Variants in DHRS7B observed in about 807,000 individuals in gnomAD.
DHRS7B encodes peroxisomal reductase activating PPAR-gamma.
DHRS7B carries 24 observed loss-of-function variants against 26.4 expected under a neutral mutation model. That is an observed-to-expected ratio of 0.91 (90% CI 0.66 to 1.28). The LOEUF (loss-of-function observed/expected upper bound fraction) is 1.28, where lower values mean the gene tolerates loss of function less well. Among genes scored for constraint, DHRS7B ranks in the 50% most tolerant of loss-of-function variants. The probability of loss-of-function intolerance (pLI) is 0.00; values close to 1 mark genes in which losing one functional copy is unlikely to be tolerated. For synonymous variants in DHRS7B, 142 were observed against 166.4 expected (o/e 0.85, Z 1.13); for missense variants, 368 against 419.4 (o/e 0.88, Z 1.07).
intron 1 of DHRS7B, among the ~76,000 whole-genome samples, chr17:21,156,619 A>G (rs1973886435): frequency 6.6e-6 from 1 of 151,186 alleles, no homozygotes; most frequent in African/African-American, 2.4e-5. Context: ...AATAATTATA[A>G]TAAAAAAAAT....
At chr17:21,135,149 C>T (rs113857117) in intron 1 of DHRS7B, among the ~76,000 whole-genome samples, 3 of 152,112 alleles carry the variant, frequency 2.0e-5, no homozygotes, top group Non-Finnish European at 4.4e-5. Context: ...CTCTGTGACA[C>T]ACAATAATTT....
chr17:21,164,893 G>A (rs892596840), intron 1 of DHRS7B, among the ~76,000 whole-genome samples: 6 of 152,128 alleles, frequency 3.9e-5, no homozygotes, highest in African/African-American at 1.4e-4. Context: ...GAAGGAATAC[G>A]GTTGGTCTTT....
At chr17:21,140,515 CA>C (rs1973477030) in intron 1 of DHRS7B, among the ~76,000 whole-genome samples, 1 of 149,870 alleles carries the variant, frequency 6.7e-6, no homozygotes, top group African/African-American at 2.5e-5. Context: ...CACACACACA[CA>C]CACACACACA....
intron 3 of DHRS7B, among the ~76,000 whole-genome samples, chr17:21,183,302 T>C (rs1974554372): frequency 6.6e-6 from 1 of 152,204 alleles, no homozygotes; most frequent in African/African-American, 2.4e-5. Flanking sequence ...CTTCTGTTTT[T>C]TCCTTGTCAT....
intron 1 of DHRS7B, among the ~76,000 whole-genome samples, chr17:21,161,848 T>G (rs1363494037): frequency 6.6e-6 from 1 of 152,196 alleles, no homozygotes; most frequent in African/African-American, 2.4e-5. Context: ...CATGACACTT[T>G]GCTTCCCAGT....
At chr17:21,138,066 T>TAAAA (rs1555536184) in intron 1 of DHRS7B, among the ~76,000 whole-genome samples, 37 of 35,238 alleles carry the variant, frequency 1.0e-3, no homozygotes, top group East Asian at 5.0e-3. Context: ...CGGCCTCTTT[T>TAAAA]AAAAAAAAAA....
chr17:21,148,378 C>T (rs536957464), intron 1 of DHRS7B, among the ~76,000 whole-genome samples: 1 of 152,182 alleles, frequency 6.6e-6, no homozygotes, highest in East Asian at 1.9e-4. Context: ...ATTTGCTAAA[C>T]TGAAAAATTC....
At chr17:21,140,444 A>T (rs1178182623) in intron 1 of DHRS7B, among the ~76,000 whole-genome samples, 3 of 147,846 alleles carry the variant, frequency 2.0e-5, no homozygotes, top group Non-Finnish European at 4.5e-5. Context: ...GGAGAGAAAA[A>T]GTTTGGGTTA....
chr17:21,138,990 C>G (rs1256490296), intron 1 of DHRS7B, among the ~76,000 whole-genome samples: 1 of 152,148 alleles, frequency 6.6e-6, no homozygotes, highest in Admixed American at 6.5e-5. Context: ...TATGAAACCA[C>G]CATTGCAAAA....
At chr17:21,165,141 C>A (rs1379266750) in intron 1 of DHRS7B, among the ~76,000 whole-genome samples, 2 of 152,114 alleles carry the variant, frequency 1.3e-5, no homozygotes, top group Admixed American at 6.5e-5. Flanking sequence ...ATGAATCTGC[C>A]TGTGTTGCAC....
chr17:21,183,007 A>C (rs1330916285), intron 3 of DHRS7B, among the ~76,000 whole-genome samples: 1 of 152,208 alleles, frequency 6.6e-6, no homozygotes, highest in Non-Finnish European at 1.5e-5. Context: ...CAGTGAAGCC[A>C]TCCGGTCCAG....
intron 1 of DHRS7B, among the ~76,000 whole-genome samples, chr17:21,132,344 A>ATAT (rs1555535727): frequency 3.7e-5 from 5 of 134,408 alleles, no homozygotes; most frequent in African/African-American, 1.2e-4. Context: ...CTTAAAAAAA[A>ATAT]AAAAATATAT....
chr17:21,181,789 G>A (rs375244124), intron 3 of DHRS7B, among the ~76,000 whole-genome samples: 5 of 152,288 alleles, frequency 3.3e-5, no homozygotes, highest in African/African-American at 1.2e-4. Context: ...ATTTTTGGAT[G>A]TTGCTCTTGT....
At position 21,144,247 on chromosome 17, in the gene DHRS7B, T is replaced by C. The variant is rs570593679; in HGVS notation, c.20+17256T>C. Reference sequence around the variant, plus strand: ...GGAACTGTTACCTCTTTACGTCTTATCTTATAAGTGCCTAGAGATGCAGGT... The same window carrying C: ...GGAACTGTTACCTCTTTACGTCTTACCTTATAAGTGCCTAGAGATGCAGGT... On this transcript the variant is annotated intron_variant, in intron 1 of 6. Coordinates refer to ENST00000395511, the MANE Select transcript of DHRS7B (RefSeq NM_015510.5). Among the ~76,000 whole-genome samples, 60 of 152,304 alleles carry C rather than the reference T, an allele frequency of 3.9e-4. 2 individuals carry two copies. In the South Asian group the frequency reaches 0.012, roughly 29 times the overall value.
chr17:21,180,073 CTT>C (rs59348588), intron 3 of DHRS7B, among the ~76,000 whole-genome samples: 113 of 121,888 alleles, frequency 9.3e-4, no homozygotes, highest in Middle Eastern at 4.7e-3. Flanking sequence ...AGCCCACTTT[CTT>C]TTTTTTTTTT....
At chr17:21,142,371 C>T (rs1973536565) in intron 1 of DHRS7B, among the ~76,000 whole-genome samples, 1 of 152,186 alleles carries the variant, frequency 6.6e-6, no homozygotes, top group Non-Finnish European at 1.5e-5. Flanking sequence ...TTAGGTCAGG[C>T]AGGCCCAGGC....
intron 5 of DHRS7B, among the ~76,000 whole-genome samples, chr17:21,187,358 G>C (rs886588355): frequency 6.6e-6 from 1 of 151,528 alleles, no homozygotes; most frequent in Admixed American, 6.6e-5. Flanking sequence ...GGGTGCGGTG[G>C]CTCACGCCTG....
intron 1 of DHRS7B, among the ~76,000 whole-genome samples, chr17:21,151,271 C>G (rs902689827): frequency 5.9e-5 from 9 of 152,000 alleles, no homozygotes; most frequent in Non-Finnish European, 1.3e-4. Context: ...CTTTGGGAGG[C>G]CTAGGCAGGT....
chr17:21,171,336 T>C (rs1448863908), intron 1 of DHRS7B, among the ~76,000 whole-genome samples: 1 of 152,236 alleles, frequency 6.6e-6, no homozygotes, highest in Non-Finnish European at 1.5e-5. Context: ...CCTCCAGATT[T>C]CATGGCTCAC....
Sources: allele counts gnomAD v4.1 joint callset (sites outside exome capture counted in the v4.1 genomes callset), GRCh38; gene constraint gnomAD v4.1.1; transcripts MANE v1.5; gene names NCBI Gene and HGNC (gene_info 2026-07-23, HGNC 2026-07-21).